The following GABRB1 variants were observed in gnomAD, a reference collection of about 807,000 sequenced individuals.
The protein encoded by GABRB1 is gamma-aminobutyric acid receptor subunit beta-1.
Under a neutral mutation model 51.6 loss-of-function variants are expected in GABRB1, and 17 were observed. That is an observed-to-expected ratio of 0.33 (90% CI 0.23 to 0.49). The LOEUF is 0.49. GABRB1 is among the 20% of genes least tolerant of loss of function. The probability of loss-of-function intolerance (pLI) is 0.99; values close to 1 mark genes in which losing one functional copy is unlikely to be tolerated. For synonymous variants in GABRB1, 247 were observed against 218.9 expected (o/e 1.13, Z -1.14); for missense variants, 410 against 600.6 (o/e 0.68, Z 3.32).
chr4:47,403,480 A>T, intron 6 of GABRB1, 25 bp downstream of exon 6: 1 of 1,613,650 alleles, frequency 6.2e-7, no homozygotes, highest in Non-Finnish European at 8.5e-7. Context: ...CCCAAAATGT[A>T]CTAGGGGTGC....
chr4:47,077,621 A>G (rs1006640771), intron 3 of GABRB1, among the ~76,000 whole-genome samples: 3 of 151,672 alleles, frequency 2.0e-5, no homozygotes, highest in African/African-American at 7.3e-5. Context: ...CAATCATGCT[A>G]AGAAAAACAC....
At chr4:47,100,715 A>C (rs1224904016) in intron 3 of GABRB1, among the ~76,000 whole-genome samples, 3 of 152,026 alleles carry the variant, frequency 2.0e-5, no homozygotes, top group African/African-American at 4.8e-5. Context: ...AATACAGTAC[A>C]TGCAGTAAAA....
At chr4:47,373,750 G>A (rs1055125502) in intron 5 of GABRB1, among the ~76,000 whole-genome samples, 3 of 152,164 alleles carry the variant, frequency 2.0e-5, no homozygotes, top group Admixed American at 6.5e-5. Context: ...GGAAGGTAAG[G>A]CCTGGGCTCT....
chr4:47,309,785 A>C (rs949666162), intron 4 of GABRB1, among the ~76,000 whole-genome samples: 2 of 152,086 alleles, frequency 1.3e-5, no homozygotes, highest in Middle Eastern at 3.2e-3. Flanking sequence ...ATTATGGGTC[A>C]TTTTTTCTCT....
chr4:47,403,262 G>T, intron 5 of GABRB1, 56 bp from the exon 6 acceptor site: 1 of 1,592,998 alleles, frequency 6.3e-7, no homozygotes, highest in South Asian at 1.1e-5. Context: ...CTCCCAGATG[G>T]TATTCAAAAT....
intron 4 of GABRB1, among the ~76,000 whole-genome samples, chr4:47,174,859 C>T (rs1560571456): frequency 1.3e-5 from 2 of 151,490 alleles, no homozygotes; most frequent in African/African-American, 4.8e-5. Flanking sequence ...TCCCTCCCTC[C>T]TTCCCTCCCT....
chr4:47,165,056 C>A (rs1458047452), intron 4 of GABRB1, among the ~76,000 whole-genome samples: 1 of 152,080 alleles, frequency 6.6e-6, no homozygotes, highest in African/African-American at 2.4e-5. Flanking sequence ...GAGACCAGAA[C>A]TTTAGTCCAT....
intron 4 of GABRB1, among the ~76,000 whole-genome samples, chr4:47,311,085 A>C (rs1489730858): frequency 7.4e-6 from 1 of 134,858 alleles, no homozygotes; most frequent in Non-Finnish European, 1.6e-5. Context: ...AAAAAAAAAC[A>C]TGAAAAGAAA....
At chr4:47,160,207 C>T (rs1453425261) in intron 3 of GABRB1, among the ~76,000 whole-genome samples, 2 of 152,096 alleles carry the variant, frequency 1.3e-5, no homozygotes, top group African/African-American at 4.8e-5. Context: ...GGGATATCCT[C>T]TGTAATATTT....
At chr4:47,007,277 A>G (rs1470255259) in intron 1 of GABRB1, among the ~76,000 whole-genome samples, 11 of 152,250 alleles carry the variant, frequency 7.2e-5, no homozygotes, top group African/African-American at 2.4e-4. Flanking sequence ...ATGTATTATT[A>G]AAGAGAGATA....
intron 3 of GABRB1, among the ~76,000 whole-genome samples, chr4:47,095,737 TC>T (rs2109596089): frequency 6.6e-6 from 1 of 152,398 alleles, no homozygotes; most frequent in South Asian, 2.1e-4. Context: ...TGCTTATTCT[TC>T]AATGGAAGTG....
In GABRB1 at chr4:47,197,874, A is replaced by T. The variant is rs549168970; in HGVS notation, c.461+36405A>T. On this transcript the variant is annotated intron_variant, in intron 4 of 8. Transcript: ENST00000295454. ...GACATTTTCTATGCTGAGTGTGACA[A>T]TGTGCCTGTCTATAACTTCAAGCCT... Among the ~76,000 whole-genome samples, 96 of 152,268 alleles carry T rather than the reference A, an allele frequency of 6.3e-4. 1 individual carries two copies. The South Asian group carries it at 0.018, about 29-fold the overall frequency.
chr4:47,007,895 A>ATATATATATATATATATATATATATATAT lies in GABRB1; in HGVS notation c.-20+13969_-20+13970insTATATATATATATATATATATATATATAT, dbSNP rs375965914. On this transcript the variant is annotated intron_variant, in intron 1 of 3. Coordinates refer to the GABRB1 transcript ENST00000513567. ...ATATATATATATATATATATATATA[A>ATATATATATATATATATATATATATATAT]AATCAAGTTTGTATTTTTAAATAGT... Among the ~76,000 whole-genome samples, 19 of 17,542 alleles carry ATATATATATATATATATATATATATATAT rather than the reference A, an allele frequency of 1.1e-3. 1 individual carries two copies. Among genetic ancestry groups the ATATATATATATATATATATATATATATAT allele is most frequent in the South Asian group, 4.2e-3 (2 of 478 alleles). 11.5% of individuals were successfully genotyped at this position (17,542 alleles called of 152,430 possible). A position where few individuals can be genotyped will look rare whatever the true frequency, so the allele number is the denominator to read the frequency against.
At chr4:47,130,124 A>G (rs530012158) in intron 3 of GABRB1, among the ~76,000 whole-genome samples, 1 of 152,170 alleles carries the variant, frequency 6.6e-6, no homozygotes, top group African/African-American at 2.4e-5. Flanking sequence ...GCTCCCCCAC[A>G]TTTTCTCTCT....
At chr4:47,079,716 G>A (rs1051495847) in intron 3 of GABRB1, among the ~76,000 whole-genome samples, 1 of 151,774 alleles carries the variant, frequency 6.6e-6, no homozygotes, top group Non-Finnish European at 1.5e-5. Flanking sequence ...GATGAAGTTG[G>A]AAACCATCAT....
At position 47,017,821 on chromosome 4, in the gene GABRB1, T is replaced by C. The variant is rs529245381; in HGVS notation, c.-19-14093T>C. ...AGCTGTGGAGATATTCATCCACAGA[T>C]TGTTAAGGAGAAGTTCAGAATATGG... On this transcript the variant is annotated intron_variant, in intron 1 of 3. Coordinates refer to the GABRB1 transcript ENST00000513567. Among the ~76,000 whole-genome samples the C allele has an allele frequency of 2.6e-5, 4 of 152,282 alleles. No individual in the cohort carries two copies. In the South Asian group the frequency reaches 8.3e-4, roughly 32 times the overall value.
intron 1 of GABRB1, among the ~76,000 whole-genome samples, chr4:46,999,078 C>G (rs73813773): frequency 0.092 from 13,988 of 152,054 alleles, 731 homozygotes; most frequent in South Asian, 0.19. Context: ...TTAAGAAACA[C>G]ATTTATTTTC....
At chr4:47,329,221 T>C (rs577829711) in intron 5 of GABRB1, among the ~76,000 whole-genome samples, 1 of 152,070 alleles carries the variant, frequency 6.6e-6, no homozygotes, top group South Asian at 2.1e-4. Flanking sequence ...AAGAAAAATA[T>C]AAGAAGGCAT....
At chr4:47,272,290 G>A (rs911259868) in intron 4 of GABRB1, among the ~76,000 whole-genome samples, 4 of 152,112 alleles carry the variant, frequency 2.6e-5, no homozygotes, top group Non-Finnish European at 5.9e-5. Flanking sequence ...GAAACACTGG[G>A]AATCCAATGT....
Sources: gnomAD v4.1 joint callset for allele counts (sites outside exome capture counted in the v4.1 genomes callset) on GRCh38, gnomAD v4.1.1 for gene constraint, MANE v1.5 for transcripts, NCBI Gene and HGNC (gene_info 2026-07-23, HGNC 2026-07-21) for gene names.